ANO2: variants seen among roughly 807,000 people sequenced by gnomAD.
ANO2 encodes the protein anoctamin-2.
ANO2 carries 101 observed loss-of-function variants against 124.2 expected under a neutral mutation model. The ratio of observed to expected loss-of-function variants is 0.81; its 90% CI spans 0.69 to 0.96. ANO2 has a LOEUF of 0.96. ANO2 is among the 40% of genes least tolerant of loss of function. ANO2 has a pLI of 0.00. For synonymous variants in ANO2, 486 were observed against 482.5 expected (o/e 1.01, Z -0.09); for missense variants, 1,293 against 1,274.5 (o/e 1.01, Z -0.22).
At chr12:5,633,139 TG>T (rs1362324606) in intron 16 of ANO2, among the ~76,000 whole-genome samples, 11 of 152,180 alleles carry the variant, frequency 7.2e-5, no homozygotes, top group African/African-American at 2.7e-4. Context: ...TTTCTCCTCT[TG>T]GGTGAGAGAA....
At chr12:5,814,969 A>G (rs761572532) in intron 7 of ANO2, among the ~76,000 whole-genome samples, 5 of 152,234 alleles carry the variant, frequency 3.3e-5, no homozygotes, top group Admixed American at 6.5e-5. Flanking sequence ...AAAGGATCAA[A>G]TGAGATAATG....
chr12:5,829,618 G>T (rs1954086873), intron 6 of ANO2, among the ~76,000 whole-genome samples: 1 of 152,166 alleles, frequency 6.6e-6, no homozygotes, highest in Non-Finnish European at 1.5e-5. Context: ...CAATGGAAAT[G>T]CACTTCCATA....
At chr12:5,586,128 G>A (rs1943099479) in intron 20 of ANO2, among the ~76,000 whole-genome samples, 1 of 152,054 alleles carries the variant, frequency 6.6e-6, no homozygotes, top group Middle Eastern at 3.2e-3. Flanking sequence ...CACTGACTAG[G>A]CATCTTCTGT....
intron 10 of ANO2, among the ~76,000 whole-genome samples, chr12:5,758,315 G>A (rs561080097): frequency 7.9e-5 from 12 of 152,332 alleles, no homozygotes; most frequent in African/African-American, 2.9e-4. Flanking sequence ...GTTTAATTGT[G>A]AGGGGCAGAG....
chr12:5,915,207 T>G (rs1941310296), intron 3 of ANO2, among the ~76,000 whole-genome samples: 6 of 152,312 alleles, frequency 3.9e-5, no homozygotes, highest in Admixed American at 3.3e-4. Flanking sequence ...TTAAATGAAA[T>G]TCTAATCAAA....
intron 14 of ANO2, among the ~76,000 whole-genome samples, chr12:5,678,338 G>C (rs1284456969): frequency 6.6e-6 from 1 of 152,200 alleles, no homozygotes; most frequent in East Asian, 1.9e-4. Context: ...TGTCCAACCA[G>C]AGATCTGGAC....
chr12:5,748,929 C>CA (rs1951357555), intron 11 of ANO2, among the ~76,000 whole-genome samples: 1 of 147,704 alleles, frequency 6.8e-6, no homozygotes, highest in African/African-American at 2.5e-5. Context: ...AGTTTTATAC[C>CA]AAAAAATCCA....
intron 10 of ANO2, among the ~76,000 whole-genome samples, chr12:5,795,911 G>T (rs978781574): frequency 6.6e-6 from 1 of 152,108 alleles, no homozygotes; most frequent in Non-Finnish European, 1.5e-5. Flanking sequence ...TCCTTCTCCA[G>T]CTGTGAGGAC....
intron 10 of ANO2, among the ~76,000 whole-genome samples, chr12:5,758,617 C>T (rs1302648499): frequency 6.6e-6 from 1 of 152,168 alleles, no homozygotes; most frequent in African/African-American, 2.4e-5. Context: ...CCAGGGCTCA[C>T]ACAAAGCATA....
chr12:5,636,760 C>T lies in ANO2; in HGVS notation c.1621-1413G>A, dbSNP rs939751406. Among the ~76,000 whole-genome samples, 29 of 152,006 alleles carry T rather than the reference C, an allele frequency of 1.9e-4. No individual in the cohort carries two copies. Among genetic ancestry groups the T allele is most frequent in the Non-Finnish European group, 3.4e-4 (23 of 67,978 alleles). ...TCTGGCTTGGGCAGTGCTTTGCAAG[C>T]AGTGTGAATGACACTCCAGTGGCTT... On this transcript the variant is annotated intron_variant, in intron 15 of 24. Coordinates refer to ENST00000682330, the MANE Select transcript of ANO2 (RefSeq NM_001364791.2). This position sits in a 1 kb window ranked among gnomAD's most constrained non-coding sequence, Gnocchi z 4.6.
intron 22 of ANO2, among the ~76,000 whole-genome samples, chr12:5,576,748 C>T (rs1942435669): frequency 6.6e-6 from 1 of 152,156 alleles, no homozygotes; most frequent in African/African-American, 2.4e-5. Context: ...ATCTTTTTGG[C>T]AGGTGTTTAT....
intron 1 of ANO2, 60 bp from the exon 2 acceptor site, chr12:5,922,864 T>G: frequency 1.4e-6 from 2 of 1,412,936 alleles, no homozygotes; most frequent in Non-Finnish European, 1.9e-6. Context: ...TCCAAGACAC[T>G]GAGGTACTGA....
intron 14 of ANO2, among the ~76,000 whole-genome samples, chr12:5,719,572 C>T (rs1046022935): frequency 1.3e-5 from 2 of 152,144 alleles, no homozygotes; most frequent in African/African-American, 4.8e-5. Context: ...GGTCTTCTGC[C>T]ATGTGAGAAT....
At chr12:5,905,678 T>C (rs967267086) in intron 3 of ANO2, among the ~76,000 whole-genome samples, 1 of 152,044 alleles carries the variant, frequency 6.6e-6, no homozygotes, top group African/African-American at 2.4e-5. Flanking sequence ...TCCAAGTCCA[T>C]GACAAAGTAA....
At chr12:5,831,984 G>T (rs998920615) in intron 5 of ANO2, among the ~76,000 whole-genome samples, 2 of 152,190 alleles carry the variant, frequency 1.3e-5, no homozygotes, top group African/African-American at 4.8e-5. Flanking sequence ...CAGGGACAGG[G>T]AAAGACCCCT....
intron 14 of ANO2, among the ~76,000 whole-genome samples, chr12:5,691,747 T>C (rs1948951867): frequency 6.6e-6 from 1 of 151,870 alleles, no homozygotes; most frequent in Non-Finnish European, 1.5e-5. Flanking sequence ...CTACTAAAAA[T>C]ACAAAATTAG....
intron 14 of ANO2, among the ~76,000 whole-genome samples, chr12:5,664,784 G>A (rs1372146405): frequency 2.0e-5 from 3 of 152,166 alleles, no homozygotes; most frequent in African/African-American, 4.8e-5. Context: ...TATTCAATAC[G>A]CATAGCCTCT....
chr12:5,668,670 T>C (rs1161071286), intron 14 of ANO2, among the ~76,000 whole-genome samples: 2 of 152,226 alleles, frequency 1.3e-5, no homozygotes, highest in East Asian at 3.8e-4. Flanking sequence ...TATGGTTTTA[T>C]AGTTTTGGGT....
chr12:5,783,656 A>G (rs1341240324), intron 10 of ANO2, among the ~76,000 whole-genome samples: 1 of 152,234 alleles, frequency 6.6e-6, no homozygotes, highest in Non-Finnish European at 1.5e-5. Context: ...ACCCTTGAGC[A>G]AGGCTGTGAA....
Sources: gnomAD v4.1 joint callset for allele counts (sites outside exome capture counted in the v4.1 genomes callset) on GRCh38, gnomAD v4.1.1 for gene constraint, Gnocchi (gnomAD v3.1) non-coding constraint, MANE v1.5 for transcripts, NCBI Gene and HGNC (gene_info 2026-07-23, HGNC 2026-07-21) for gene names.